The following RBFOX1 variants were observed in gnomAD, a reference collection of about 807,000 sequenced individuals.
RBFOX1 encodes the protein RNA binding protein fox-1 homolog 1.
RBFOX1 carries 8 observed loss-of-function variants against 57.7 expected under a neutral mutation model. The ratio of observed to expected loss-of-function variants is 0.14; its 90% confidence interval spans 0.08 to 0.25. The LOEUF (loss-of-function observed/expected upper bound fraction) is 0.25, where lower values mean the gene tolerates loss of function less well. Among genes scored for constraint, RBFOX1 ranks in the 10% least tolerant of loss-of-function variants. The pLI is 1.00. For synonymous variants in RBFOX1, 326 were observed against 222.4 expected (o/e 1.47, Z -4.15); for missense variants, 611 against 548.5 (o/e 1.11, Z -1.14).
rs147727124 is a variant in RBFOX1, at chr16:6,963,642, G to A, written c.-15-88415G>A. Among the ~76,000 whole-genome samples, 11 of 152,288 alleles carry A rather than the reference G, an allele frequency of 7.2e-5. 1 individual carries two copies. In the East Asian group the frequency reaches 2.1e-3, roughly 29 times the overall value. On this transcript the variant is annotated intron_variant, in intron 3 of 15. Transcript: ENST00000550418. ...AGTAAAAAGATCCAGGGGTGCCAGA[G>A]ATTATGTGGGAGGGAGGGATGAAGA...
chr16:7,612,127 C>T (rs1207285787), intron 10 of RBFOX1, among the ~76,000 whole-genome samples: 2 of 151,922 alleles, frequency 1.3e-5, no homozygotes, highest in Non-Finnish European at 2.9e-5. Flanking sequence ...TGAGACCATC[C>T]TGGCTAACAC....
At chr16:7,650,390 C>T (rs1187700588) in intron 11 of RBFOX1, among the ~76,000 whole-genome samples, 3 of 151,508 alleles carry the variant, frequency 2.0e-5, no homozygotes, top group African/African-American at 4.9e-5. Flanking sequence ...ATTTTCAGTC[C>T]TTCCTGTGTT....
intron 4 of RBFOX1, among the ~76,000 whole-genome samples, chr16:7,316,043 A>G (rs1399910306): frequency 6.6e-6 from 1 of 152,204 alleles, no homozygotes; most frequent in East Asian, 1.9e-4. Context: ...ACATCCCTTT[A>G]TTCTGATAGT....
At chr16:6,396,818 A>C (rs2092855903) in intron 2 of RBFOX1, among the ~76,000 whole-genome samples, 1 of 152,224 alleles carries the variant, frequency 6.6e-6, no homozygotes, top group African/African-American at 2.4e-5. Flanking sequence ...TGGAATTAAC[A>C]GATAAGGACT....
At chr16:6,264,113 C>G (rs112489855) in intron 1 of RBFOX1, among the ~76,000 whole-genome samples, 2,964 of 152,284 alleles carry the variant, frequency 0.019, 95 homozygotes, top group African/African-American at 0.059. Context: ...AGTTACACAA[C>G]TTCTTCTACT....
In RBFOX1 at chr16:6,986,255, C is replaced by T. The variant is rs538354281; in HGVS notation, c.-15-65802C>T. 1.3e-4 allele frequency among the ~76,000 whole-genome samples: 19 copies of T among 151,326 alleles called. No homozygotes were observed. In the East Asian group the frequency reaches 2.9e-3, roughly 23 times the overall value. ...TTGGTCTGTCACCCAGGCTGGAGTGCAATGGCATGATCTTGGCTCACTGCA... is the reference window on the plus strand; with the variant it reads ...TTGGTCTGTCACCCAGGCTGGAGTGTAATGGCATGATCTTGGCTCACTGCA... On this transcript the variant is annotated intron_variant, in intron 3 of 15. Transcript: ENST00000550418.
rs144097718 is a variant in RBFOX1 at position 5,575,635 on chromosome 16, C to T, written c.259-23267C>T. Among the ~76,000 whole-genome samples the T allele has an allele frequency of 2.3e-3, 357 of 152,286 alleles. 3 individuals are homozygous for T. The highest frequency in any genetic ancestry group is 2.7e-3 in the Non-Finnish European group (182 of 68,040). Reference sequence around the variant, plus strand: ...GTCTCCGAAGCAAAGCTTCCAGAGGCGCATGAGACAGGCAGGAAAGTGCTA... The same window carrying T: ...GTCTCCGAAGCAAAGCTTCCAGAGGTGCATGAGACAGGCAGGAAAGTGCTA... On this transcript the variant is annotated intron_variant, in intron 2 of 2. Transcript: ENST00000585867.
intron 2 of RBFOX1, among the ~76,000 whole-genome samples, chr16:6,383,911 T>C (rs998112139): frequency 6.6e-6 from 1 of 152,076 alleles, no homozygotes; most frequent in Non-Finnish European, 1.5e-5. Flanking sequence ...TTTTGAAGCA[T>C]AATGGATCCT....
intron 1 of RBFOX1, among the ~76,000 whole-genome samples, chr16:6,252,797 G>C (rs1245801249): frequency 6.6e-6 from 1 of 152,156 alleles, no homozygotes; most frequent in Non-Finnish European, 1.5e-5. Context: ...TAGGGAATTA[G>C]CAAACAGTTC....
rs2083928980 is a variant in RBFOX1 at position 7,711,027 on chromosome 16, C to T, written c.*282C>T. 3.3e-6 allele frequency: 1 copy of T among 301,836 alleles called. No individual in the cohort carries two copies. The highest frequency in any genetic ancestry group is 5.9e-6 in the Non-Finnish European group (1 of 168,308). 18.7% of individuals were successfully genotyped at this position (301,836 alleles called of 1,614,324 possible). A position where few individuals can be genotyped will look rare whatever the true frequency, so the allele number is the denominator to read the frequency against. ...ACAGATGCTAGATAATGAATAAAAA[C>T]TGGTTTAGGGCCATATCCAGAGTGC... On this transcript the variant is annotated 3_prime_UTR_variant, in exon 16 of 16. Coordinates refer to ENST00000550418, the MANE Select transcript of RBFOX1 (RefSeq NM_018723.4).
intron 1 of RBFOX1, among the ~76,000 whole-genome samples, chr16:6,170,790 C>T (rs2096954535): frequency 6.6e-6 from 1 of 152,106 alleles, no homozygotes; most frequent in Admixed American, 6.6e-5. Context: ...GTTTCCTTAT[C>T]TGTGTCCCTG....
At chr16:7,535,427 C>T (rs1000661523) in intron 5 of RBFOX1, among the ~76,000 whole-genome samples, 4 of 152,172 alleles carry the variant, frequency 2.6e-5, no homozygotes, top group Non-Finnish European at 5.9e-5. Flanking sequence ...CATTGCGACT[C>T]AGAGATGCAA....
intron 14 of RBFOX1, among the ~76,000 whole-genome samples, chr16:7,696,611 T>C (rs951535343): frequency 2.6e-5 from 4 of 151,868 alleles, no homozygotes; most frequent in African/African-American, 9.7e-5. Flanking sequence ...CCTGGGGACA[T>C]AGCATTAAAT....
At chr16:6,021,000 G>T (rs2095063532) in intron 1 of RBFOX1, among the ~76,000 whole-genome samples, 1 of 152,166 alleles carries the variant, frequency 6.6e-6, no homozygotes, top group Admixed American at 6.5e-5. Flanking sequence ...GCCAGAGCTG[G>T]GGTGCACCTG....
At chr16:7,195,877 G>A (rs1043193699) in intron 4 of RBFOX1, among the ~76,000 whole-genome samples, 1 of 152,036 alleles carries the variant, frequency 6.6e-6, no homozygotes, top group Middle Eastern at 3.2e-3. Flanking sequence ...TTAGAAAGGT[G>A]CCTGGTTTAT....
chr16:5,704,851 C>T (rs1567421847), intron 3 of RBFOX1, among the ~76,000 whole-genome samples: 1 of 152,132 alleles, frequency 6.6e-6, no homozygotes, highest in African/African-American at 2.4e-5. Flanking sequence ...CTTTTGGAAA[C>T]ATGGGGTAAT....
chr16:6,342,186 A>G (rs896217729), intron 2 of RBFOX1, among the ~76,000 whole-genome samples: 1 of 152,156 alleles, frequency 6.6e-6, no homozygotes. Context: ...CTCTGCTGCA[A>G]TGTGGGAATG....
intron 4 of RBFOX1, among the ~76,000 whole-genome samples, chr16:7,166,935 C>T (rs1366332072): frequency 7.3e-6 from 1 of 137,086 alleles, no homozygotes; most frequent in Non-Finnish European, 1.5e-5. Flanking sequence ...TTACTGATGA[C>T]ATCAGAGAGA....
chr16:5,484,851 G>A lies in RBFOX1; in HGVS notation c.258+17597G>A, dbSNP rs182361097. Among the ~76,000 whole-genome samples the A allele has an allele frequency of 1.3e-4, 20 of 151,634 alleles. No individual in the cohort carries two copies. The East Asian group carries it at 3.3e-3, about 25-fold the overall frequency. ...CACTTGAACCAGGGAGCCAGAGATC[G>A]TGTCACTGCACTCCAGCCTGGGTGA... On this transcript the variant is annotated intron_variant, in intron 2 of 2. Coordinates refer to the RBFOX1 transcript ENST00000585867.
Sources: gnomAD v4.1 joint callset for allele counts (sites outside exome capture counted in the v4.1 genomes callset) on GRCh38, gnomAD v4.1.1 for gene constraint, MANE v1.5 for transcripts, NCBI Gene and HGNC (gene_info 2026-07-23, HGNC 2026-07-21) for gene names.